Variants in PCLO observed in about 807,000 individuals in gnomAD.
PCLO encodes the protein protein piccolo.
In PCLO, 82 loss-of-function variants were observed where a neutral mutation model predicts 427.5. The observed-to-expected ratio is 0.19, with a 90% CI of 0.16 to 0.23. The LOEUF is 0.23. Among genes scored for constraint, PCLO ranks in the 10% least tolerant of loss-of-function variants. The pLI is 1.00. For missense variants in PCLO, 6,239 were observed against 6,115.9 expected (o/e 1.02, Z -0.67); for synonymous variants, 2,357 against 2,155.4 (o/e 1.09, Z -2.59).
chr7:82,832,107 A>G (rs547839683), intron 16 of PCLO, among the ~76,000 whole-genome samples: 1 of 152,170 alleles, frequency 6.6e-6, no homozygotes, highest in Admixed American at 6.6e-5. Flanking sequence ...ATGATTTAAC[A>G]TTAGGACAAT....
intron 4 of PCLO, among the ~76,000 whole-genome samples, chr7:82,960,523 A>C (rs1004110960): frequency 1.3e-5 from 2 of 152,234 alleles, no homozygotes; most frequent in Admixed American, 1.3e-4. Context: ...ATTTTCGTGT[A>C]CTATATCAAA....
At chr7:82,777,491 C>G (rs1002846653) in intron 22 of PCLO, among the ~76,000 whole-genome samples, 3 of 152,100 alleles carry the variant, frequency 2.0e-5, no homozygotes, top group South Asian at 4.1e-4. Flanking sequence ...TTATGCTCCC[C>G]TACTTCAACC....
chr7:83,009,653 GC>G (rs1408996913), intron 3 of PCLO, among the ~76,000 whole-genome samples: 3 of 151,662 alleles, frequency 2.0e-5, no homozygotes, highest in African/African-American at 7.3e-5. Context: ...CTTGATATAA[GC>G]TATTGCCTGG....
intron 3 of PCLO, among the ~76,000 whole-genome samples, chr7:83,007,861 A>G (rs1206319959): frequency 6.6e-6 from 1 of 151,660 alleles, no homozygotes; most frequent in African/African-American, 2.4e-5. Flanking sequence ...GATAAAATCT[A>G]TGTAGTGTAC....
At chr7:83,120,842 G>T (rs901964821) in intron 3 of PCLO, among the ~76,000 whole-genome samples, 3 of 152,090 alleles carry the variant, frequency 2.0e-5, no homozygotes, top group African/African-American at 7.2e-5. Flanking sequence ...CCTAAAAGGA[G>T]TTCATCAATC....
intron 22 of PCLO, among the ~76,000 whole-genome samples, chr7:82,781,948 ACATCTCTT>A (rs1790881937): frequency 6.6e-6 from 1 of 152,206 alleles, no homozygotes; most frequent in Admixed American, 6.5e-5. Flanking sequence ...CTTGCCCTGC[ACATCTCTT>A]CATCTGTGTC....
In PCLO at chr7:82,949,632, A is replaced by T. The variant is rs200781705; in HGVS notation, c.10956T>A (p.Ser3652Arg). ...TATCTGGATGCAGTACTTTCTGTGGACTTATATCATCAGGGAGGGGTTTTT... is the reference window on the plus strand; with the variant it reads ...TATCTGGATGCAGTACTTTCTGTGGTCTTATATCATCAGGGAGGGGTTTTT... ...PYEKPLPDDI[S>R]PQKVLHPDMA... The change falls in exon 6 of 25, where the codon AGT (serine) becomes AGA (arginine). Residue 3652 changes from serine (S) to arginine (R), a missense_variant. This residue lies in a region of PCLO where 4,677 missense variants were observed against 4,468.4 expected (regional missense o/e 1.05). Coordinates refer to ENST00000333891, the MANE Select transcript of PCLO (RefSeq NM_033026.6). The T allele has an allele frequency of 1.2e-6, 2 of 1,613,852 alleles. No individual in the cohort carries two copies. The highest frequency in any genetic ancestry group is 2.7e-5 in the African/African-American group (2 of 74,994).
chr7:82,974,433 A>G (rs963424120), intron 3 of PCLO, among the ~76,000 whole-genome samples: 1 of 152,174 alleles, frequency 6.6e-6, no homozygotes, highest in Non-Finnish European at 1.5e-5. Context: ...TGTGTGTATA[A>G]AGGACAACTC....
At chr7:82,959,385 T>C (rs10265403) in intron 4 of PCLO, among the ~76,000 whole-genome samples, 11,241 of 152,194 alleles carry the variant, frequency 0.074, 1,416 homozygotes, top group African/African-American at 0.26. Context: ...TTATTTTGTG[T>C]CTACATATAT....
At chr7:83,033,388 G>A (rs1010454547) in intron 3 of PCLO, among the ~76,000 whole-genome samples, 1 of 152,112 alleles carries the variant, frequency 6.6e-6, no homozygotes, top group Non-Finnish European at 1.5e-5. Context: ...TAATATTTGG[G>A]AAGCTGAACA....
chr7:82,880,349 GA>G, intron 9 of PCLO: 1 of 357,390 alleles, frequency 2.8e-6, no homozygotes, highest in Non-Finnish European at 5.7e-6. Context: ...CCATTATTTT[GA>G]AAGGCAAGAA....
rs2115818853 is a variant in PCLO at position 82,847,148 on chromosome 7, C to T, written c.13754G>A (p.Cys4585Tyr). 3 of 1,563,224 alleles carry T rather than the reference C, an allele frequency of 1.9e-6. No individual in the cohort carries two copies. Among genetic ancestry groups the T allele is most frequent in the East Asian group, 4.5e-5 (2 of 44,396 alleles). ...ATGGGGAAAAACTCACAGTCTTACA[C>T]ATATTTCTGCTTCCCCACTTTGCTG... is the stretch of plus-strand genomic sequence containing the variant. ...ISQQSGEAEI[C>Y]VRLDLNMLSD... Residue 4585 changes from cysteine to tyrosine, a missense_variant, in exon 11 of 25, where the codon TGT becomes TAT. Around this residue, in one of 5 missense-constraint regions of PCLO, gnomAD observed 877 missense variants for 925.5 expected, o/e 0.95. Coordinates refer to ENST00000333891, the MANE Select transcript of PCLO (RefSeq NM_033026.6).
Position 82,758,498 on chromosome 7 carries a change from T to A in PCLO, c.*77A>T. 5 of 1,243,576 alleles carry A rather than the reference T, an allele frequency of 4.0e-6. No homozygotes were observed. The highest frequency in any genetic ancestry group is 4.4e-6 in the Non-Finnish European group (4 of 906,508). 77.0% of individuals were successfully genotyped at this position (1,243,576 alleles called of 1,614,324 possible). On this transcript the variant is annotated 3_prime_UTR_variant, in exon 25 of 25. Coordinates refer to ENST00000333891, the MANE Select transcript of PCLO (RefSeq NM_033026.6). ...ATGTTTGCCTCTCAAAACTTAGCTT[T>A]GTACAATAGTATTCAACTATAGTCT... is the stretch of plus-strand genomic sequence containing the variant.
In PCLO at chr7:82,956,767, A is replaced by G; in HGVS notation, c.4186T>C (p.Ser1396Pro). ...GAAGGGCTGCTTTCTTGTGAAAAAG[A>G]GTCCTTTTTGAGTCCCTTGAGAATA... The part of the protein sequence containing the change: ...KDILKGLKKD[S>P]FSQESSPSSP... The change falls in exon 5 of 25, where the codon TCT (serine) becomes CCT (proline). Residue 1396 changes from serine to proline, a missense_variant. This residue lies in a region of PCLO where 4,677 missense variants were observed against 4,468.4 expected (regional missense o/e 1.05). Transcript: ENST00000333891. The G allele has an allele frequency of 6.2e-7, 1 of 1,613,820 alleles. No individual in the cohort carries two copies. The highest frequency in any genetic ancestry group is 8.5e-7 in the Non-Finnish European group (1 of 1,179,770).
intron 22 of PCLO, among the ~76,000 whole-genome samples, chr7:82,769,208 C>A (rs550273060): frequency 9.9e-5 from 15 of 152,064 alleles, no homozygotes; most frequent in African/African-American, 3.6e-4. Flanking sequence ...TTGCTTTTTT[C>A]TTTTAGTCAC....
chr7:82,965,671 A>C lies in PCLO; in HGVS notation c.4017+100T>G, dbSNP rs1422917712. On this transcript the variant is annotated intron_variant, in intron 4 of 24. Transcript: ENST00000333891. Reference sequence around the variant, plus strand: ...AAGAATGTCATTCATTGTTTGAGGAACTTCACTTATATAATTACCATTGAG... The same window carrying C: ...AAGAATGTCATTCATTGTTTGAGGACCTTCACTTATATAATTACCATTGAG... The C allele has an allele frequency of 4.3e-6, 3 of 705,318 alleles. No homozygotes were observed. In the African/African-American group the frequency reaches 5.3e-5, roughly 13 times the overall value. The allele number at this position is 705,318 out of a possible 1,614,324, so 43.7% of individuals were successfully genotyped here.
chr7:83,074,347 G>A (rs1789896655), intron 3 of PCLO, among the ~76,000 whole-genome samples: 1 of 152,032 alleles, frequency 6.6e-6, no homozygotes, highest in African/African-American at 2.4e-5. Context: ...ACAAAAGTTA[G>A]TACATCCTAG....
intron 3 of PCLO, among the ~76,000 whole-genome samples, chr7:83,023,439 A>G (rs929447542): frequency 3.3e-5 from 5 of 152,224 alleles, no homozygotes; most frequent in African/African-American, 9.6e-5. Flanking sequence ...GTTTATCCAC[A>G]TACTCTCCCA....
chr7:82,996,304 T>C (rs1351308116), intron 3 of PCLO, among the ~76,000 whole-genome samples: 3 of 151,934 alleles, frequency 2.0e-5, no homozygotes, highest in African/African-American at 4.8e-5. Context: ...GCATTAATGG[T>C]TTTTTTATAA....
Sources: gnomAD v4.1 joint callset for allele counts (sites outside exome capture counted in the v4.1 genomes callset) on GRCh38, gnomAD v4.1.1 for gene constraint, gnomAD v4.1.1 regional missense constraint, MANE v1.5 for transcripts, NCBI Gene and HGNC (gene_info 2026-07-23, HGNC 2026-07-21) for gene names.